Variants in CUL1 observed in about 807,000 individuals in gnomAD.
CUL1 encodes cullin 1.
A neutral mutation model predicts 118.0 loss-of-function variants in CUL1; 24 were observed. The observed-to-expected ratio is 0.20, with a 90% CI of 0.15 to 0.29. The LOEUF (loss-of-function observed/expected upper bound fraction) is 0.29. Ranked by LOEUF, CUL1 falls within the 10% of genes least tolerant of loss-of-function variation. CUL1 has a pLI of 1.00. For synonymous variants in CUL1, 332 were observed against 340.4 expected, an observed-to-expected ratio of 0.98 and a Z score of 0.27; for missense variants, 361 against 933.8, an observed-to-expected ratio of 0.39 and a Z score of 7.99.
chr7:148,753,657 G>A (rs1024018595), intron 2 of CUL1, among the ~76,000 whole-genome samples: 2 of 152,080 alleles, frequency 1.3e-5, no homozygotes, highest in African/African-American at 4.8e-5. Context: ...TTTTTCTTTT[G>A]GGACAGTTTT....
intron 1 of CUL1, among the ~76,000 whole-genome samples, chr7:148,701,587 C>G (rs896353307): frequency 3.3e-5 from 5 of 152,280 alleles, no homozygotes; most frequent in African/African-American, 1.2e-4. Context: ...TGCAATGAAG[C>G]AGTTTGGTAG....
chr7:148,787,999 G>A lies in CUL1; in HGVS notation c.1480-558G>A, dbSNP rs1170544233. Reference sequence around the variant, plus strand: ...TCACAATTCTGGGGGCCACAAGTCCGAGATCAGGGTGCCAGCTGATTCGGT... The same window carrying A: ...TCACAATTCTGGGGGCCACAAGTCCAAGATCAGGGTGCCAGCTGATTCGGT... On this transcript the variant is annotated intron_variant, in intron 13 of 21. Transcript: ENST00000325222. This position sits in a 1 kb window ranked among gnomAD's most constrained non-coding sequence, Gnocchi z 5.5. Among the ~76,000 whole-genome samples, 4 of 152,172 alleles carry A rather than the reference G, an allele frequency of 2.6e-5. No individual in the cohort carries two copies. The highest frequency in any genetic ancestry group is 6.5e-5 in the Admixed American group (1 of 15,286).
intron 2 of CUL1, among the ~76,000 whole-genome samples, chr7:148,740,209 C>T (rs758241114): frequency 3.9e-5 from 6 of 152,020 alleles, no homozygotes; most frequent in Admixed American, 2.0e-4. Context: ...CACGCCACCA[C>T]GCCTAGCTAA....
intron 1 of CUL1, among the ~76,000 whole-genome samples, chr7:148,699,521 C>T (rs1797644882): frequency 6.6e-6 from 1 of 152,144 alleles, no homozygotes; most frequent in South Asian, 2.1e-4. Flanking sequence ...TGCTTTCCGG[C>T]CGACGCGTGT....
rs1800840221 is a variant in CUL1, at chr7:148,787,075, C to T, written c.1434C>T (p.Asn478=). 1.2e-6 allele frequency: 2 copies of T among 1,613,842 alleles called. No homozygotes were observed. ...KMLAKRLVHQ[N]SASDDAEASM... ...TCGCCAAGAGGCTCGTCCACCAGAA[C>T]AGTGCAAGTGACGATGCCGAAGCCA... The change falls in exon 13 of 22, where the codon AAC becomes AAT. Residue 478 remains asparagine, a synonymous_variant. Coordinates refer to ENST00000325222, the MANE Select transcript of CUL1 (RefSeq NM_003592.3). This position sits in a 1 kb window ranked among gnomAD's most constrained non-coding sequence, Gnocchi z 5.5.
chr7:148,729,937 C>G (rs556149324), intron 1 of CUL1, 25 bp from the exon 2 acceptor site: 8 of 666,520 alleles, frequency 1.2e-5, no homozygotes, highest in African/African-American at 7.2e-5. Context: ...AGACAATCCA[C>G]TGATTCTCTT....
At chr7:148,760,121 A>G (rs533715639) in intron 6 of CUL1, among the ~76,000 whole-genome samples, 1 of 152,186 alleles carries the variant, frequency 6.6e-6, no homozygotes, top group Non-Finnish European at 1.5e-5. Context: ...ATGGGTCAGA[A>G]TTACTTGCTT....
intron 2 of CUL1, among the ~76,000 whole-genome samples, chr7:148,737,741 C>T (rs1198120421): frequency 6.6e-6 from 1 of 151,914 alleles, no homozygotes; most frequent in Admixed American, 6.6e-5. Context: ...GCTGGGATTA[C>T]AGGTGCGTGC....
chr7:148,759,362 C>G lies in CUL1; in HGVS notation c.534+8C>G, dbSNP rs1378651712. ...AGGCCACTGAATAAACAGGTACCTA[C>G]TGGTGTGAGCGTGTGCATGTTCCTT... On this transcript the variant is annotated splice_region_variant and intron_variant, in intron 5 of 21. Coordinates refer to ENST00000325222, the MANE Select transcript of CUL1 (RefSeq NM_003592.3). 2 of 1,613,800 alleles carry G rather than the reference C, an allele frequency of 1.2e-6. No individual in the cohort carries two copies. Among genetic ancestry groups the G allele is most frequent in the Admixed American group, 3.3e-5 (2 of 60,022 alleles).
At chr7:148,699,262 A>C (rs1002543917) in intron 1 of CUL1, among the ~76,000 whole-genome samples, 3 of 150,980 alleles carry the variant, frequency 2.0e-5, no homozygotes, top group Admixed American at 6.6e-5. Flanking sequence ...GCCCTGAGTC[A>C]CCCCGGACGG....
intron 1 of CUL1, among the ~76,000 whole-genome samples, chr7:148,713,967 G>A (rs879629787): frequency 1.3e-5 from 2 of 152,086 alleles, no homozygotes; most frequent in African/African-American, 4.8e-5. Flanking sequence ...TGATCCACCT[G>A]CCTCGGCCTC....
chr7:148,789,162 A>G (rs531577485), intron 14 of CUL1, among the ~76,000 whole-genome samples: 2 of 152,188 alleles, frequency 1.3e-5, no homozygotes, highest in African/African-American at 4.8e-5. Flanking sequence ...TCATCTTTTG[A>G]TCATCTTTGT....
At position 148,760,212 on chromosome 7, in the gene CUL1, T is replaced by G. The variant is rs1584796772; in HGVS notation, c.626-121T>G. 7 of 721,708 alleles carry G rather than the reference T, an allele frequency of 9.7e-6. No homozygotes were observed. The East Asian group carries it at 1.9e-4, about 20-fold the overall frequency. The allele number at this position is 721,708 out of a possible 1,614,324, so 44.7% of individuals were successfully genotyped here. A position where few individuals can be genotyped will look rare whatever the true frequency, so the allele number is the denominator to read the frequency against. ...TACTAGTGAGTAAGAGTTACTTATG[T>G]CCTGCCATTTCACATTTACCTTTTA... On this transcript the variant is annotated intron_variant, in intron 6 of 21. Coordinates refer to ENST00000325222, the MANE Select transcript of CUL1 (RefSeq NM_003592.3).
Position 148,730,221 on chromosome 7 carries a change from A to C in CUL1, c.99A>C (p.Thr33=). ...DLRAGIQQVY[T]RQSMAKSRYM... ...GAGCCGGCATCCAGCAGGTGTACACACGGCAGAGCATGGCCAAGTCCAGAT... is the reference window on the plus strand; with the variant it reads ...GAGCCGGCATCCAGCAGGTGTACACCCGGCAGAGCATGGCCAAGTCCAGAT... Residue 33 remains threonine (T), a synonymous_variant, in exon 2 of 22, where the codon ACA becomes ACC. Transcript: ENST00000325222. 1 of 1,614,152 alleles carries C rather than the reference A, an allele frequency of 6.2e-7. No homozygotes were observed. The highest frequency in any genetic ancestry group is 8.5e-7 in the Non-Finnish European group (1 of 1,180,026).
At chr7:148,783,927 T>C (rs1238858458) in intron 10 of CUL1, 37 bp downstream of exon 10, 1 of 1,613,378 alleles carries the variant, frequency 6.2e-7, no homozygotes, top group African/African-American at 1.3e-5. Context: ...CTGTAGTATG[T>C]ATGGATGGGG....
At chr7:148,707,102 A>G (rs905006008) in intron 1 of CUL1, among the ~76,000 whole-genome samples, 3 of 152,208 alleles carry the variant, frequency 2.0e-5, no homozygotes, top group African/African-American at 4.8e-5. Flanking sequence ...CCTTTGAAGG[A>G]AGAAAACTCC....
At chr7:148,699,135 A>T (rs985387278) in intron 1 of CUL1, 106 bp downstream of exon 1, 13 of 152,594 alleles carry the variant, frequency 8.5e-5, no homozygotes, top group African/African-American at 3.1e-4. Flanking sequence ...GCGACGGCCG[A>T]AACCAGGCGC....
Position 148,706,179 on chromosome 7 carries a change from G to A in CUL1, c.-162+7150G>A, listed in dbSNP as rs368205658. Among the ~76,000 whole-genome samples the A allele has an allele frequency of 3.0e-4, 46 of 152,270 alleles. No homozygotes were observed. In the East Asian group the frequency reaches 5.0e-3, roughly 17 times the overall value. On this transcript the variant is annotated intron_variant, in intron 1 of 21. Coordinates refer to ENST00000325222, the MANE Select transcript of CUL1 (RefSeq NM_003592.3). ...CCCCGTTTAGATTTGGATCCCATCC[G>A]CAAGATACCTCAAATATTCCAAAAT...
intron 1 of CUL1, among the ~76,000 whole-genome samples, chr7:148,728,219 A>G (rs562142249): frequency 8.6e-4 from 131 of 152,216 alleles, no homozygotes; most frequent in Middle Eastern, 3.4e-3. Context: ...ACTCGCTGAC[A>G]CGGACAACAC....
Sources: allele counts gnomAD v4.1 joint callset (sites outside exome capture counted in the v4.1 genomes callset), GRCh38; gene constraint gnomAD v4.1.1; non-coding constraint Gnocchi (gnomAD v3.1); transcripts MANE v1.5; gene names NCBI Gene and HGNC (gene_info 2026-07-23, HGNC 2026-07-21).